The following CRACD variants were observed in gnomAD, a reference collection of about 807,000 sequenced individuals.
CRACD encodes capping protein inhibiting regulator of actin dynamics, also known as capping protein-inhibiting regulator of actin dynamics.
A neutral mutation model predicts 106.8 loss-of-function variants in CRACD; 56 were observed. The ratio of observed to expected loss-of-function variants is 0.52; its 90% confidence interval spans 0.42 to 0.66. The LOEUF is 0.66. CRACD is among the 30% of genes least tolerant of loss of function. The pLI, the probability that CRACD is intolerant of heterozygous loss-of-function variation, is 0.00. For synonymous variants in CRACD, 754 were observed against 670.8 expected (o/e 1.12, Z -1.92); for missense variants, 1,730 against 1,623.2 (o/e 1.07, Z -1.13).
chr4:56,285,585 A>G (rs1743289229), intron 3 of CRACD, among the ~76,000 whole-genome samples: 1 of 152,072 alleles, frequency 6.6e-6, no homozygotes, highest in South Asian at 2.1e-4. Context: ...GACAACAGGC[A>G]CGGGCCACCA....
chr4:56,172,745 T>G (rs1042171297), intron 1 of CRACD, among the ~76,000 whole-genome samples: 1 of 152,174 alleles, frequency 6.6e-6, no homozygotes, highest in African/African-American at 2.4e-5. Context: ...TGCCTCAGCC[T>G]CCTGAGCAGC....
chr4:56,169,365 A>G (rs1306481748), intron 1 of CRACD, among the ~76,000 whole-genome samples: 1 of 152,192 alleles, frequency 6.6e-6, no homozygotes, highest in Admixed American at 6.5e-5. Flanking sequence ...AGTTTCTAGC[A>G]TTAGCTCAGG....
intron 1 of CRACD, among the ~76,000 whole-genome samples, chr4:56,115,288 A>G (rs866125762): frequency 9.9e-5 from 15 of 152,216 alleles, no homozygotes; most frequent in African/African-American, 1.4e-4. Flanking sequence ...CTATGGACCT[A>G]TTAATTTTGC....
intron 8 of CRACD, among the ~76,000 whole-genome samples, chr4:56,317,522 C>T (rs1021300976): frequency 7.9e-5 from 12 of 152,280 alleles, no homozygotes; most frequent in African/African-American, 2.2e-4. Flanking sequence ...ATAATCCCAA[C>T]GACTGAAGAT....
chr4:56,162,968 A>C (rs555501475), intron 1 of CRACD, among the ~76,000 whole-genome samples: 4 of 152,196 alleles, frequency 2.6e-5, no homozygotes, highest in Non-Finnish European at 5.9e-5. Context: ...AGCAGTGTAG[A>C]CATTACTTTA....
At chr4:56,141,954 A>G (rs1294797159) in intron 1 of CRACD, among the ~76,000 whole-genome samples, 2 of 152,100 alleles carry the variant, frequency 1.3e-5, no homozygotes, top group East Asian at 1.9e-4. Flanking sequence ...TTGGCTTCCC[A>G]AAGTGCTAGG....
At chr4:56,058,806 AG>A (rs1371926477) in intron 1 of CRACD, among the ~76,000 whole-genome samples, 1 of 152,142 alleles carries the variant, frequency 6.6e-6, no homozygotes, top group Non-Finnish European at 1.5e-5. Flanking sequence ...TGGCTCATGC[AG>A]TGTCCCAAGT....
chr4:56,156,565 G>A (rs955667512), intron 1 of CRACD, among the ~76,000 whole-genome samples: 1 of 152,232 alleles, frequency 6.6e-6, no homozygotes, highest in African/African-American at 2.4e-5. Context: ...TCTGCAGAAT[G>A]TAAGATTTGA....
intron 1 of CRACD, among the ~76,000 whole-genome samples, chr4:56,068,327 G>T (rs959387942): frequency 1.3e-4 from 20 of 152,168 alleles, no homozygotes; most frequent in Admixed American, 4.6e-4. Flanking sequence ...GCAACAACAC[G>T]GCCGCTGCAG....
intron 4 of CRACD, among the ~76,000 whole-genome samples, chr4:56,299,492 A>C (rs916153628): frequency 6.6e-6 from 1 of 152,018 alleles, no homozygotes; most frequent in African/African-American, 2.4e-5. Context: ...CAACATGGTG[A>C]AACCCCATCT....
intron 2 of CRACD, among the ~76,000 whole-genome samples, chr4:56,246,082 A>T (rs1389573483): frequency 6.6e-6 from 1 of 152,136 alleles, no homozygotes; most frequent in Non-Finnish European, 1.5e-5. Flanking sequence ...TAAGGCTGTG[A>T]TTTTGAGCCC....
chr4:56,147,376 A>G (rs147672870), intron 1 of CRACD, among the ~76,000 whole-genome samples: 236 of 152,342 alleles, frequency 1.5e-3, no homozygotes, highest in Non-Finnish European at 2.4e-3. Context: ...CATTTTCATC[A>G]TCTGGAAAGA....
chr4:56,221,664 A>T (rs1739038719), intron 2 of CRACD, among the ~76,000 whole-genome samples: 1 of 152,108 alleles, frequency 6.6e-6, no homozygotes, highest in South Asian at 2.1e-4. Flanking sequence ...AGCAAAAAAA[A>T]TTAAAAAATA....
intron 4 of CRACD, among the ~76,000 whole-genome samples, chr4:56,303,903 G>A (rs7663516): frequency 1.3e-5 from 2 of 151,978 alleles, no homozygotes; most frequent in Non-Finnish European, 2.9e-5. Flanking sequence ...CTCTTTCATC[G>A]CAGTTTCTCT....
At chr4:56,310,451 CG>C (rs1334867980) in intron 5 of CRACD, among the ~76,000 whole-genome samples, 1 of 152,138 alleles carries the variant, frequency 6.6e-6, no homozygotes, top group Non-Finnish European at 1.5e-5. Flanking sequence ...ACATTGAACT[CG>C]GGGAGAGGCT....
At chr4:56,093,349 C>G (rs1011139458) in intron 1 of CRACD, among the ~76,000 whole-genome samples, 1 of 152,120 alleles carries the variant, frequency 6.6e-6, no homozygotes, top group Non-Finnish European at 1.5e-5. Flanking sequence ...ACTCAGAGAG[C>G]CAGGTTGAGA....
In CRACD at chr4:56,314,424, C is replaced by T; in HGVS notation, c.922C>T (p.Arg308Cys). 1.3e-6 allele frequency: 2 copies of T among 1,542,898 alleles called. No homozygotes were observed. The highest frequency in any genetic ancestry group is 2.0e-5 in the Admixed American group (1 of 50,266). The change falls in exon 8 of 11, where the codon CGT becomes TGT. Residue 308 changes from arginine to cysteine, a missense_variant. By Grantham distance (180) the Arg-to-Cys change is radical. This residue lies in a region of CRACD where 1,620 missense variants were observed against 1,481.6 expected (regional missense o/e 1.09). Coordinates refer to ENST00000682029, the MANE Select transcript of CRACD (RefSeq NM_001393381.1). This position sits in a 1 kb window ranked among gnomAD's most constrained non-coding sequence, Gnocchi z 4.4. ...TTGGGAGGACGCGGAGCGGAGGGAG[C>T]GTGAGGAGCGCGAGCGCCTGGAGGC... ...PGWEDAERRE[R>C]EERERLEAEE... is the part of the protein sequence containing the mutation.
At chr4:56,192,480 AT>A (rs1737423312) in intron 2 of CRACD, among the ~76,000 whole-genome samples, 2 of 152,178 alleles carry the variant, frequency 1.3e-5, no homozygotes, top group South Asian at 4.1e-4. Context: ...TCAGCAACAT[AT>A]ATCTAATCCT....
rs758326958 is a variant in CRACD at position 56,314,222 on chromosome 4, G to A, written c.720G>A (p.Ala240=). 8.7e-6 allele frequency: 14 copies of A among 1,601,084 alleles called. No homozygotes were observed. The East Asian group carries it at 2.7e-4, about 31-fold the overall frequency. The change falls in exon 8 of 11, where the codon GCG becomes GCA. Residue 240 remains alanine (A), a synonymous_variant. Transcript: ENST00000682029. This position sits in a 1 kb window ranked among gnomAD's most constrained non-coding sequence, Gnocchi z 4.4. ...ELEAKCKRQK[A]EAAEKRRLEE... is the part of the protein sequence containing the mutation. ...AGGCCAAGTGCAAGCGGCAAAAGGC[G>A]GAAGCAGCCGAGAAGAGACGCCTAG...
Sources: allele counts gnomAD v4.1 joint callset (sites outside exome capture counted in the v4.1 genomes callset), GRCh38; gene constraint gnomAD v4.1.1; regional missense constraint gnomAD v4.1.1; non-coding constraint Gnocchi (gnomAD v3.1); transcripts MANE v1.5; gene names NCBI Gene and HGNC (gene_info 2026-07-23, HGNC 2026-07-21).